Variants in ADGRL3 observed in about 807,000 individuals in gnomAD.
ADGRL3 encodes the protein calcium-independent alpha-latrotoxin receptor 3.
ADGRL3 carries 62 observed loss-of-function variants against 153.5 expected under a neutral mutation model. The ratio of observed to expected loss-of-function variants is 0.40; its 90% CI spans 0.33 to 0.50. The LOEUF is 0.50. ADGRL3 is among the 20% of genes least tolerant of loss of function. The probability of loss-of-function intolerance (pLI) is 0.47; values close to 1 mark genes in which losing one functional copy is unlikely to be tolerated. For synonymous variants in ADGRL3, 710 were observed against 672.5 expected, an observed-to-expected ratio of 1.06 and a Z score of -0.86; for missense variants, 1,641 against 1,859.4, an observed-to-expected ratio of 0.88 and a Z score of 2.16.
intron 1 of ADGRL3, among the ~76,000 whole-genome samples, chr4:61,341,514 A>G (rs1230041028): frequency 1.3e-5 from 2 of 151,182 alleles, no homozygotes; most frequent in Non-Finnish European, 1.5e-5. Context: ...GGCATCATAT[A>G]TATATATTTA....
At chr4:61,880,129 A>G (rs1233687328) in intron 9 of ADGRL3, among the ~76,000 whole-genome samples, 2 of 152,168 alleles carry the variant, frequency 1.3e-5, no homozygotes, top group South Asian at 2.1e-4. Context: ...TAAGTCCTCA[A>G]CCTACAGACT....
chr4:61,626,147 A>T (rs966943321), intron 5 of ADGRL3, among the ~76,000 whole-genome samples: 2 of 151,966 alleles, frequency 1.3e-5, no homozygotes, highest in African/African-American at 4.8e-5. Flanking sequence ...AAAAAAATTT[A>T]CTTTTTCATG....
intron 21 of ADGRL3, among the ~76,000 whole-genome samples, chr4:62,010,220 A>G (rs1306174043): frequency 6.6e-6 from 1 of 152,110 alleles, no homozygotes; most frequent in Non-Finnish European, 1.5e-5. Context: ...AGGAGGCTGA[A>G]CATTCTACCC....
chr4:61,358,012 G>A (rs926540670), intron 1 of ADGRL3, among the ~76,000 whole-genome samples: 1 of 152,108 alleles, frequency 6.6e-6, no homozygotes, highest in Non-Finnish European at 1.5e-5. Context: ...AAGTAGTTAC[G>A]AGGGTGAAAG....
chr4:61,220,036 G>T (rs1211193784), intron 1 of ADGRL3, among the ~76,000 whole-genome samples: 1 of 151,650 alleles, frequency 6.6e-6, no homozygotes, highest in Non-Finnish European at 1.5e-5. Context: ...TGAACCTGGG[G>T]GGCGGAGGTT....
intron 5 of ADGRL3, among the ~76,000 whole-genome samples, chr4:61,613,132 C>G (rs537134207): frequency 6.6e-6 from 1 of 152,084 alleles, no homozygotes; most frequent in African/African-American, 2.4e-5. Flanking sequence ...CTAAACATGA[C>G]GTGAACCTCT....
intron 2 of ADGRL3, among the ~76,000 whole-genome samples, chr4:61,433,892 T>G (rs560937344): frequency 5.3e-4 from 80 of 152,322 alleles, no homozygotes; most frequent in South Asian, 3.5e-3. Flanking sequence ...AATATTCCCT[T>G]CATGTCAAAG....
chr4:61,625,931 T>G (rs1204564829), intron 5 of ADGRL3, among the ~76,000 whole-genome samples: 2 of 152,098 alleles, frequency 1.3e-5, no homozygotes, highest in Non-Finnish European at 2.9e-5. Flanking sequence ...TATTTCTGTA[T>G]AGCATACAAC....
intron 4 of ADGRL3, among the ~76,000 whole-genome samples, chr4:61,581,125 GAA>G (rs1398406614): frequency 5.3e-5 from 8 of 152,076 alleles, no homozygotes; most frequent in East Asian, 3.9e-4. Context: ...AGAATATTTT[GAA>G]AGTTAGGTGC....
chr4:61,303,199 T>G (rs1009168262), intron 1 of ADGRL3, among the ~76,000 whole-genome samples: 1 of 152,182 alleles, frequency 6.6e-6, no homozygotes, highest in Non-Finnish European at 1.5e-5. Flanking sequence ...TAGTTTTACT[T>G]TCAAAGACTG....
chr4:61,410,426 T>C (rs1238695956), intron 2 of ADGRL3, among the ~76,000 whole-genome samples: 1 of 152,196 alleles, frequency 6.6e-6, no homozygotes, highest in Non-Finnish European at 1.5e-5. Flanking sequence ...CTTTAGTGTT[T>C]AGTGCATATT....
intron 17 of ADGRL3, among the ~76,000 whole-genome samples, chr4:61,970,564 T>G (rs563231821): frequency 1.1e-4 from 16 of 152,264 alleles, no homozygotes; most frequent in Non-Finnish European, 1.9e-4. Flanking sequence ...GAAATTTTGC[T>G]AAATAAGTTC....
At chr4:61,899,373 T>G (rs534781171) in intron 11 of ADGRL3, among the ~76,000 whole-genome samples, 1 of 152,226 alleles carries the variant, frequency 6.6e-6, no homozygotes, top group Non-Finnish European at 1.5e-5. Context: ...TTTGCCATGT[T>G]GAAAAATTGA....
intron 1 of ADGRL3, among the ~76,000 whole-genome samples, chr4:61,257,310 T>C (rs2149514986): frequency 6.6e-6 from 1 of 152,304 alleles, no homozygotes; most frequent in African/African-American, 2.4e-5. Flanking sequence ...TTTAACTCTG[T>C]TGAAAGAAAT....
intron 4 of ADGRL3, among the ~76,000 whole-genome samples, chr4:61,536,557 C>T (rs1255479056): frequency 1.3e-5 from 2 of 151,970 alleles, no homozygotes; most frequent in Non-Finnish European, 2.9e-5. Context: ...AATCTGGGTG[C>T]TCTGGTGTTG....
chr4:61,820,233 TA>T (rs1198291042), intron 9 of ADGRL3, among the ~76,000 whole-genome samples: 1 of 152,186 alleles, frequency 6.6e-6, no homozygotes, highest in Non-Finnish European at 1.5e-5. Context: ...ATTTATATAC[TA>T]ATGAGCAAAG....
chr4:61,841,457 A>G (rs1159038037), intron 9 of ADGRL3, among the ~76,000 whole-genome samples: 1 of 152,210 alleles, frequency 6.6e-6, no homozygotes, highest in African/African-American at 2.4e-5. Flanking sequence ...ACACCATTTC[A>G]TCAACCGCTC....
chr4:61,957,952 A>G (rs2098973710), intron 17 of ADGRL3, among the ~76,000 whole-genome samples: 1 of 152,118 alleles, frequency 6.6e-6, no homozygotes, highest in South Asian at 2.1e-4. Flanking sequence ...TCAGTGTTTC[A>G]CAAATGTTAC....
intron 13 of ADGRL3, among the ~76,000 whole-genome samples, chr4:61,917,176 C>T (rs1181323773): frequency 6.6e-6 from 1 of 152,062 alleles, no homozygotes; most frequent in Non-Finnish European, 1.5e-5. Flanking sequence ...AAATTCAAAG[C>T]TAAGTCTTTC....
Sources: allele counts gnomAD v4.1 joint callset (sites outside exome capture counted in the v4.1 genomes callset), GRCh38; gene constraint gnomAD v4.1.1; transcripts MANE v1.5; gene names NCBI Gene and HGNC (gene_info 2026-07-23, HGNC 2026-07-21).